The following ATP10D variants were observed in gnomAD, a reference collection of about 807,000 sequenced individuals.
The protein encoded by ATP10D is ATPase phospholipid transporting 10D (putative).
Under a neutral mutation model 144.8 loss-of-function variants are expected in ATP10D, and 89 were observed. The ratio of observed to expected loss-of-function variants is 0.61; its 90% CI spans 0.52 to 0.73. The LOEUF (loss-of-function observed/expected upper bound fraction) is 0.73. Ranked by LOEUF, ATP10D falls within the 30% of genes least tolerant of loss-of-function variation. ATP10D has a pLI of 0.00. For synonymous variants in ATP10D, 571 were observed against 615.1 expected (o/e 0.93, Z 1.06); for missense variants, 1,603 against 1,714.8 (o/e 0.93, Z 1.15).
chr4:47,572,810 CTG>C, intron 17 of ATP10D, 60 bp from the exon 18 acceptor site: 1 of 1,605,048 alleles, frequency 6.2e-7, no homozygotes, highest in Non-Finnish European at 8.5e-7. Flanking sequence ...AAGAATTGTG[CTG>C]TGTCTGTTCT....
At chr4:47,522,221 A>G (rs528228883) in intron 3 of ATP10D, among the ~76,000 whole-genome samples, 1 of 152,258 alleles carries the variant, frequency 6.6e-6, no homozygotes, top group South Asian at 2.1e-4. Context: ...ACATTCTACT[A>G]TACAAACGTC....
intron 16 of ATP10D, 72 bp downstream of exon 16, chr4:47,569,218 T>C (rs1719817528): frequency 2.0e-6 from 3 of 1,503,140 alleles, no homozygotes; most frequent in South Asian, 2.5e-5. Context: ...CTTCTGTCTC[T>C]TTCTTCTCCC....
intron 1 of ATP10D, among the ~76,000 whole-genome samples, chr4:47,496,280 C>G (rs1437366659): frequency 6.6e-6 from 1 of 151,370 alleles, no homozygotes; most frequent in African/African-American, 2.4e-5. Flanking sequence ...GCCTCAGCCT[C>G]CGGAGTAGCT....
chr4:47,527,598 A>G (rs1351359911), intron 5 of ATP10D, among the ~76,000 whole-genome samples: 1 of 152,204 alleles, frequency 6.6e-6, no homozygotes, highest in Admixed American at 6.5e-5. Flanking sequence ...ACCCAGTAAT[A>G]AAACAAACAA....
intron 10 of ATP10D, among the ~76,000 whole-genome samples, chr4:47,553,214 G>A (rs1283850887): frequency 6.6e-6 from 1 of 152,212 alleles, no homozygotes; most frequent in Non-Finnish European, 1.5e-5. Flanking sequence ...GGCCAGGGTT[G>A]TTCCCTGAGT....
chr4:47,590,955 CT>C, intron 22 of ATP10D, 86 bp from the exon 23 acceptor site: 1 of 1,055,566 alleles, frequency 9.5e-7, no homozygotes, highest in South Asian at 1.9e-5. Context: ...GACCCTTTTA[CT>C]TTTTTAATTC....
chr4:47,529,844 A>C (rs906904239), intron 5 of ATP10D, among the ~76,000 whole-genome samples: 1 of 152,098 alleles, frequency 6.6e-6, no homozygotes, highest in Non-Finnish European at 1.5e-5. Flanking sequence ...TTCTCCTTGT[A>C]GAGATCTTTC....
intron 1 of ATP10D, among the ~76,000 whole-genome samples, chr4:47,486,971 C>T (rs1469252013): frequency 2.0e-5 from 3 of 152,124 alleles, no homozygotes; most frequent in Non-Finnish European, 2.9e-5. Context: ...TGGCTCATGC[C>T]TGTAATCCCA....
chr4:47,542,169 T>C (rs1336895858), intron 9 of ATP10D, among the ~76,000 whole-genome samples: 1 of 151,894 alleles, frequency 6.6e-6, no homozygotes, highest in Non-Finnish European at 1.5e-5. Flanking sequence ...TGATCTCAGC[T>C]CACTGCAGCC....
chr4:47,502,424 A>C (rs909531080), intron 1 of ATP10D, among the ~76,000 whole-genome samples: 22 of 151,818 alleles, frequency 1.4e-4, no homozygotes, highest in African/African-American at 3.6e-4. Flanking sequence ...GAGCCGAGAT[A>C]GCGCCACTGC....
At chr4:47,580,568 A>G in intron 20 of ATP10D, 90 bp downstream of exon 20, 1 of 1,139,364 alleles carries the variant, frequency 8.8e-7, no homozygotes. Context: ...AAAGGAGGGC[A>G]GATTGCTCAT....
At chr4:47,554,959 G>C (rs1249898265) in intron 11 of ATP10D, 45 bp downstream of exon 11, 2 of 1,546,946 alleles carry the variant, frequency 1.3e-6, no homozygotes, top group East Asian at 2.2e-5. Flanking sequence ...TTCCAGAAGA[G>C]AATTTTGGGT....
Position 47,557,334 on chromosome 4 carries a change from A to T in ATP10D, c.1825-330A>T, listed in dbSNP as rs543376099. Among the ~76,000 whole-genome samples, 5 of 152,184 alleles carry T rather than the reference A, an allele frequency of 3.3e-5. No individual in the cohort carries two copies. The East Asian group carries it at 9.6e-4, about 29-fold the overall frequency. On this transcript the variant is annotated intron_variant, in intron 11 of 22. Coordinates refer to ENST00000273859, the MANE Select transcript of ATP10D (RefSeq NM_020453.4). ...AGGATGCCCACTGCTAGCAATATTA[A>T]CATTTTATGTCTTTTATTATCAGTT...
intron 3 of ATP10D, among the ~76,000 whole-genome samples, chr4:47,521,206 C>T (rs1716929415): frequency 6.6e-6 from 1 of 152,164 alleles, no homozygotes; most frequent in South Asian, 2.1e-4. Flanking sequence ...CTCATGATCT[C>T]CAGATCAGGA....
At chr4:47,528,816 C>T (rs899149325) in intron 5 of ATP10D, among the ~76,000 whole-genome samples, 1 of 152,048 alleles carries the variant, frequency 6.6e-6, no homozygotes, top group Admixed American at 6.6e-5. Flanking sequence ...TTGCCAACAT[C>T]TGTTATTTTT....
intron 1 of ATP10D, among the ~76,000 whole-genome samples, chr4:47,491,977 G>A (rs910350682): frequency 5.9e-5 from 9 of 152,060 alleles, no homozygotes; most frequent in Admixed American, 1.3e-4. Flanking sequence ...ACTCAGCACC[G>A]TGCCTAGGAC....
intron 9 of ATP10D, among the ~76,000 whole-genome samples, chr4:47,542,620 GGT>G (rs1718198447): frequency 6.6e-6 from 1 of 152,020 alleles, no homozygotes; most frequent in Non-Finnish European, 1.5e-5. Flanking sequence ...TGGGATTACA[GGT>G]GCCCGCCACC....
chr4:47,491,285 G>C (rs1384685232), intron 1 of ATP10D: 3 of 898,414 alleles, frequency 3.3e-6, no homozygotes, highest in Non-Finnish European at 5.4e-6. Context: ...TTCCAGTTTT[G>C]CCATGGTAAC....
In ATP10D at chr4:47,587,189, CA is replaced by C. The variant is rs1472720462; in HGVS notation, c.3925del (p.Ile1309LeufsTer22). On this transcript the variant is annotated frameshift_variant, in exon 22 of 23. Transcript: ENST00000273859. LOFTEE classifies it low-confidence loss of function (END_TRUNC). ...ACTTAGTTTGTATCCTCACGACGTC[CA>C]TTGCTCTTCTGCCCAGGTATGGTAT... is the stretch of plus-strand genomic sequence containing the variant. Reference protein sequence around the residue: ...FYLVCILTTSIALLPRFVYRV... With the variant: ...FYLVCILTTSXALLPRFVYRV... 1.9e-6 allele frequency: 3 copies of C among 1,612,978 alleles called. No homozygotes were observed. In the South Asian group the frequency reaches 3.3e-5, roughly 18 times the overall value.
Sources: gnomAD v4.1 joint callset for allele counts (sites outside exome capture counted in the v4.1 genomes callset) on GRCh38, gnomAD v4.1.1 for gene constraint, MANE v1.5 for transcripts, NCBI Gene and HGNC (gene_info 2026-07-23, HGNC 2026-07-21) for gene names.